The following ARAP2 variants were observed in gnomAD, a reference collection of about 807,000 sequenced individuals.
The protein encoded by ARAP2 is arf-GAP with Rho-GAP domain, ANK repeat and PH domain-containing protein 2.
In ARAP2, 148 loss-of-function variants were observed where a neutral mutation model predicts 194.5. The observed-to-expected ratio is 0.76, with a 90% CI of 0.67 to 0.87. The LOEUF is 0.87. Among genes scored for constraint, ARAP2 ranks in the 40% least tolerant of loss-of-function variants. The pLI is 0.00. For missense variants in ARAP2, 2,128 were observed against 1,989.7 expected (o/e 1.07, Z -1.32); for synonymous variants, 695 against 683.5 (o/e 1.02, Z -0.26).
chr4:36,109,943 T>C (rs1213083243), intron 26 of ARAP2, among the ~76,000 whole-genome samples: 1 of 145,460 alleles, frequency 6.9e-6, no homozygotes, highest in Non-Finnish European at 1.5e-5. Flanking sequence ...ATAACAATTA[T>C]GTATCAGCCA....
chr4:36,210,533 C>T lies in ARAP2; in HGVS notation c.1344G>A (p.Arg448=), dbSNP rs150485504. The change falls in exon 6 of 33, where the codon AGG becomes AGA. Residue 448 remains arginine, a synonymous_variant. Transcript: ENST00000303965. ...QKALILDSVN[R]HSYPLSSTSG... is the part of the protein sequence containing the mutation. ...TTGTTGAGCTTAACGGATAACTGTG[C>T]CTATTAACGGAGTCCAAAATCAAGG... is the stretch of plus-strand genomic sequence containing the variant. 4.3e-5 allele frequency: 69 copies of T among 1,613,752 alleles called. No homozygotes were observed. The highest frequency in any genetic ancestry group is 5.3e-5 in the Non-Finnish European group (62 of 1,179,872).
chr4:36,075,703 CTTAT>C (rs1333301996), intron 31 of ARAP2, among the ~76,000 whole-genome samples: 1 of 152,080 alleles, frequency 6.6e-6, no homozygotes, highest in Non-Finnish European at 1.5e-5. Flanking sequence ...TATCTGATTA[CTTAT>C]TTATTTTCTT....
downstream of ARAP2, chr4:36,065,134 C>T: frequency 3.5e-6 from 1 of 286,436 alleles, no homozygotes. Context: ...ATGACTTCTT[C>T]AGCCTCTTCT....
chr4:36,205,654 C>T (rs1275663577), intron 6 of ARAP2, among the ~76,000 whole-genome samples: 1 of 151,554 alleles, frequency 6.6e-6, no homozygotes, highest in South Asian at 2.1e-4. Flanking sequence ...AAGAGTGAGG[C>T]CCAAAGTTAC....
chr4:36,056,477 A>G (rs1723530874), intron 2 of ARAP2, among the ~76,000 whole-genome samples: 1 of 152,186 alleles, frequency 6.6e-6, no homozygotes. Context: ...TTGGGAAATC[A>G]GTTTTCTTTA....
At chr4:36,237,621 C>T (rs1752690882) in intron 1 of ARAP2, among the ~76,000 whole-genome samples, 1 of 152,176 alleles carries the variant, frequency 6.6e-6, no homozygotes, top group African/African-American at 2.4e-5. Flanking sequence ...TTGCCTTCCA[C>T]AATGATTGTA....
At chr4:36,121,121 TG>T in intron 23 of ARAP2, 57 bp downstream of exon 23, 1 of 1,312,252 alleles carries the variant, frequency 7.6e-7, no homozygotes, top group Non-Finnish European at 1.0e-6. Flanking sequence ...CATAAATATT[TG>T]TTGGCAAACA....
intron 19 of ARAP2, among the ~76,000 whole-genome samples, chr4:36,142,546 G>A (rs55732065): frequency 6.6e-6 from 1 of 151,350 alleles, no homozygotes; most frequent in Non-Finnish European, 1.5e-5. Context: ...AGTCACCAGA[G>A]GGACTCCAAA....
chr4:36,014,498 A>G (rs1453573465), intron 8 of ARAP2, among the ~76,000 whole-genome samples: 5 of 152,192 alleles, frequency 3.3e-5, no homozygotes, highest in African/African-American at 1.2e-4. Flanking sequence ...GTTGTCCTTA[A>G]TTACAATTTA....
intron 5 of ARAP2, among the ~76,000 whole-genome samples, chr4:36,038,713 G>T (rs1388844832): frequency 1.3e-5 from 2 of 152,186 alleles, no homozygotes; most frequent in Admixed American, 6.6e-5. Context: ...AGGAAAATGT[G>T]TATCTTTGTA....
chr4:36,070,974 T>A (rs1726719083), intron 32 of ARAP2, among the ~76,000 whole-genome samples: 1 of 152,188 alleles, frequency 6.6e-6, no homozygotes, highest in South Asian at 2.1e-4. Context: ...AATGTGCTGC[T>A]TTCTACCACA....
At chr4:36,110,856 GCCACAT>G (rs1719784343) in intron 26 of ARAP2, among the ~76,000 whole-genome samples, 1 of 151,890 alleles carries the variant, frequency 6.6e-6, no homozygotes, top group Non-Finnish European at 1.5e-5. Context: ...ATTAGTAGCT[GCCACAT>G]CCATGGTGAT....
intron 6 of ARAP2, among the ~76,000 whole-genome samples, chr4:36,205,968 C>T (rs930546452): frequency 2.0e-5 from 3 of 152,158 alleles, no homozygotes; most frequent in Non-Finnish European, 4.4e-5. Flanking sequence ...AGAAAACATA[C>T]TTTTTATCAA....
rs765553181 is a variant in ARAP2, at chr4:36,229,334, T to C, written c.153A>G (p.Ile51Met). ...INDSLLQKIG[I>M]SPTGHRRRIL... ...TCCTCCTACGGTGACCTGTAGGTGA[T>C]ATTCCAATTTTCTGCAGCAGGCTGT... is the stretch of plus-strand genomic sequence containing the variant. The change falls in exon 2 of 33, where the codon ATA (isoleucine) becomes ATG (methionine). Residue 51 changes from isoleucine (I) to methionine (M), a missense_variant. Coordinates refer to ENST00000303965, the MANE Select transcript of ARAP2 (RefSeq NM_015230.4). 15 of 1,614,006 alleles carry C rather than the reference T, an allele frequency of 9.3e-6. No individual in the cohort carries two copies. The highest frequency in any genetic ancestry group is 1.3e-5 in the Non-Finnish European group (15 of 1,179,998).
At chr4:36,186,773 T>G (rs1237865873) in intron 8 of ARAP2, among the ~76,000 whole-genome samples, 2 of 152,242 alleles carry the variant, frequency 1.3e-5, no homozygotes, top group African/African-American at 4.8e-5. Flanking sequence ...GGTTGTGTGC[T>G]CCTTATGAGA....
chr4:36,228,569 T>C lies in ARAP2; in HGVS notation c.905+13A>G. Reference sequence around the variant, plus strand: ...CAAATTGAATATTTACAGCTTATTGTAAAGATTCTTACCTCCCAGAAACTC... The same window carrying C: ...CAAATTGAATATTTACAGCTTATTGCAAAGATTCTTACCTCCCAGAAACTC... On this transcript the variant is annotated intron_variant, in intron 2 of 32. Coordinates refer to ENST00000303965, the MANE Select transcript of ARAP2 (RefSeq NM_015230.4). 1.3e-6 allele frequency: 2 copies of C among 1,556,866 alleles called. No homozygotes were observed. Among genetic ancestry groups the C allele is most frequent in the Non-Finnish European group, 1.7e-6 (2 of 1,154,570 alleles).
At position 36,217,223 on chromosome 4, in the gene ARAP2, A is replaced by G. The variant is rs143862272; in HGVS notation, c.906-2743T>C. On this transcript the variant is annotated intron_variant, in intron 2 of 32. Transcript: ENST00000303965. ...CTCAAAAGGAGTTGTTTCAGAATGA[A>G]TTCAGCAGCCAAGCATGGTGGCTCA... Among the ~76,000 whole-genome samples, 497 of 152,320 alleles carry G rather than the reference A, an allele frequency of 3.3e-3. 3 individuals are homozygous for G. The highest frequency in any genetic ancestry group is 0.011 in the African/African-American group (467 of 41,572).
At position 36,136,022 on chromosome 4, in the gene ARAP2, T is replaced by C. The variant is rs570025248; in HGVS notation, c.3264-2633A>G. Among the ~76,000 whole-genome samples the C allele has an allele frequency of 1.5e-4, 23 of 151,812 alleles. No homozygotes were observed. The South Asian group carries it at 4.1e-3, about 27-fold the overall frequency. On this transcript the variant is annotated intron_variant, in intron 19 of 32. Coordinates refer to ENST00000303965, the MANE Select transcript of ARAP2 (RefSeq NM_015230.4). ...TGTCTCCTCATGAATTAGTGAAGAG[T>C]AGAACTTTCTCAACTTGTCAAAGGG...
chr4:36,017,784 T>C (rs1053559945), intron 6 of ARAP2, among the ~76,000 whole-genome samples: 2 of 152,000 alleles, frequency 1.3e-5, no homozygotes, highest in Non-Finnish European at 2.9e-5. Context: ...CCTTTGTGTG[T>C]ATACTTTGGC....
Sources: gnomAD v4.1 joint callset for allele counts (sites outside exome capture counted in the v4.1 genomes callset) on GRCh38, gnomAD v4.1.1 for gene constraint, MANE v1.5 for transcripts, NCBI Gene and HGNC (gene_info 2026-07-23, HGNC 2026-07-21) for gene names.